Variants in HOOK2 observed in about 807,000 individuals in gnomAD.
HOOK2 encodes protein Hook homolog 2.
Under a neutral mutation model 111.9 loss-of-function variants are expected in HOOK2, and 108 were observed. That is an observed-to-expected ratio of 0.96 (90% confidence interval 0.83 to 1.13). The LOEUF (loss-of-function observed/expected upper bound fraction) is 1.13, where lower values mean the gene tolerates loss of function less well. Ranked by LOEUF, HOOK2 falls within the 50% of genes most tolerant of loss-of-function variation. The pLI is 0.00. For synonymous variants in HOOK2, 405 were observed against 394.3 expected (o/e 1.03, Z -0.32); for missense variants, 978 against 951.3 (o/e 1.03, Z -0.37).
intron 14 of HOOK2, 128 bp downstream of exon 14, chr19:12,767,267 G>T: frequency 4.1e-6 from 3 of 727,564 alleles, no homozygotes; most frequent in South Asian, 1.6e-5. Context: ...GGGCCTAGGA[G>T]CCCGGCTGGC....
At position 12,786,993 on chromosome 19, in the gene HOOK2, C is replaced by A. The variant is rs909074200; in HGVS notation, n.42-12768G>T. 4 of 152,184 alleles carry A rather than the reference C, an allele frequency of 2.6e-5. No individual in the cohort carries two copies. Among genetic ancestry groups the A allele is most frequent in the East Asian group, 1.9e-4 (1 of 5,174 alleles). The allele number at this position is 152,184 out of a possible 1,614,324, so 9.4% of individuals were successfully genotyped here. ...GACCAGCCTAGGCAACAGAATGAGA[C>A]CCTGTCTCAATAAAATATAAAAAAA... is the stretch of plus-strand genomic sequence containing the variant. On this transcript the variant is annotated intron_variant and non_coding_transcript_variant, in intron 3 of 3. Transcript: ENST00000589765. The surrounding 1 kb of genome is among the most constrained non-coding windows in gnomAD (Gnocchi z 4.3).
intron 11 of HOOK2, 33 bp from the exon 12 acceptor site, chr19:12,768,156 A>C (rs200334436): frequency 6.3e-7 from 1 of 1,580,194 alleles, no homozygotes. Flanking sequence ...TAAGGACAGC[A>C]GGGCTGGGAG....
chr19:12,765,728 G>T lies in HOOK2; in HGVS notation c.1606-4C>A. 1 of 1,614,160 alleles carries T rather than the reference G, an allele frequency of 6.2e-7. No homozygotes were observed. The highest frequency in any genetic ancestry group is 8.5e-7 in the Non-Finnish European group (1 of 1,180,024). ...GCTTCCTTTTCAGCAAAATGGACTGGGAGAGAGAAGAGGCAAGGTGAGTGG... is the reference window on the plus strand; with the variant it reads ...GCTTCCTTTTCAGCAAAATGGACTGTGAGAGAGAAGAGGCAAGGTGAGTGG... On this transcript the variant is annotated splice_region_variant and splice_polypyrimidine_tract_variant and intron_variant, in intron 17 of 22. Transcript: ENST00000397668.
At chr19:12,778,809 A>G (rs1454899561), upstream of HOOK2, among the ~76,000 whole-genome samples, 1 of 152,138 alleles carries the variant, frequency 6.6e-6, no homozygotes, top group Non-Finnish European at 1.5e-5. Flanking sequence ...GACTTAAGGA[A>G]AATCTGGGTG....
chr19:12,791,821 C>A lies in HOOK2; in HGVS notation n.42-17596G>T, dbSNP rs1232120106. 6.2e-7 allele frequency: 1 copy of A among 1,613,542 alleles called. No homozygotes were observed. The highest frequency in any genetic ancestry group is 1.7e-5 in the Admixed American group (1 of 59,946). On this transcript the variant is annotated intron_variant and non_coding_transcript_variant, in intron 3 of 3. Coordinates refer to the HOOK2 transcript ENST00000589765. The surrounding 1 kb of genome is among the most constrained non-coding windows in gnomAD (Gnocchi z 7.0). ...TTCTACCACGACGACTCATACACAG[C>A]TACGGGATACGGCCGGGCCCCTGGT...
chr19:12,770,567 C>T (rs991745157), intron 10 of HOOK2, among the ~76,000 whole-genome samples: 4 of 151,790 alleles, frequency 2.6e-5, no homozygotes, highest in East Asian at 1.9e-4. Flanking sequence ...ATTGTGGAGT[C>T]CTAGAAGGTA....
chr19:12,767,412 G>T lies in HOOK2; in HGVS notation c.1356C>A (p.Ile452=). 1 of 1,613,948 alleles carries T rather than the reference G, an allele frequency of 6.2e-7. No individual in the cohort carries two copies. Among genetic ancestry groups the T allele is most frequent in the Non-Finnish European group, 8.5e-7 (1 of 1,179,844 alleles). Residue 452 remains isoleucine, a synonymous_variant, in exon 14 of 23, where the codon ATC becomes ATA. Coordinates refer to ENST00000397668, the MANE Select transcript of HOOK2 (RefSeq NM_013312.3). ...CAGGATACCTGAGCTCCGCAGGCAG[G>T]ATCTCTGCGGCTAAGTTATCCACGG... ...STPVDNLAAE[I]LPAELRETLL... is the part of the protein sequence containing the mutation.
At position 12,791,628 on chromosome 19, in the gene HOOK2, T is replaced by C. The variant is rs1968716251; in HGVS notation, n.42-17403A>G. 1.8e-6 allele frequency: 1 copy of C among 571,088 alleles called. No homozygotes were observed. The highest frequency in any genetic ancestry group is 2.9e-6 in the Non-Finnish European group (1 of 339,924). The allele number at this position is 571,088 out of a possible 1,614,324, so 35.4% of individuals were successfully genotyped here. ...AGGGCTTTTGCGCACAGCTGCCGGCTGGCTGCTACCCGCCCGCGCCAGCCC... is the reference window on the plus strand; with the variant it reads ...AGGGCTTTTGCGCACAGCTGCCGGCCGGCTGCTACCCGCCCGCGCCAGCCC... On this transcript the variant is annotated intron_variant and non_coding_transcript_variant, in intron 3 of 3. Coordinates refer to the HOOK2 transcript ENST00000589765. The surrounding 1 kb of genome is among the most constrained non-coding windows in gnomAD (Gnocchi z 7.0).
At chr19:12,780,508 C>A (rs1290695041), upstream of HOOK2, among the ~76,000 whole-genome samples, 2 of 151,302 alleles carry the variant, frequency 1.3e-5, no homozygotes, top group Admixed American at 6.6e-5. Flanking sequence ...AGGCGCCCGC[C>A]ACCAGGTGTG....
At chr19:12,785,637 T>C (rs1383380075) in intron 3 of HOOK2, among the ~76,000 whole-genome samples, 1 of 152,178 alleles carries the variant, frequency 6.6e-6, no homozygotes, top group Admixed American at 6.5e-5. Context: ...GACCTTTGCA[T>C]CCAGGGCTGG....
chr19:12,766,024 T>A lies in HOOK2; in HGVS notation c.1512-10A>T, dbSNP rs749287107. 2.5e-6 allele frequency: 4 copies of A among 1,612,390 alleles called. No homozygotes were observed. In the South Asian group the frequency reaches 4.4e-5, roughly 18 times the overall value. On this transcript the variant is annotated splice_polypyrimidine_tract_variant and intron_variant, in intron 15 of 22. Coordinates refer to ENST00000397668, the MANE Select transcript of HOOK2 (RefSeq NM_013312.3). ...CTGCTGCTGGTTCAGCCTGCGAGGGTGGGGGGCCGCTTAGTGCCTGTGCCC... is the reference window on the plus strand; with the variant it reads ...CTGCTGCTGGTTCAGCCTGCGAGGGAGGGGGGCCGCTTAGTGCCTGTGCCC...
At chr19:12,779,365 T>G (rs1449761668), upstream of HOOK2, among the ~76,000 whole-genome samples, 1 of 152,130 alleles carries the variant, frequency 6.6e-6, no homozygotes, top group Non-Finnish European at 1.5e-5. Flanking sequence ...GCCACTCCCC[T>G]GGCTGACCAC....
intron 7 of HOOK2, chr19:12,771,917 A>G (rs2050024633): frequency 2.2e-6 from 1 of 456,070 alleles, no homozygotes; most frequent in Non-Finnish European, 3.9e-6. Flanking sequence ...AAAAGAAAAG[A>G]AAACAGGGCT....
At chr19:12,781,538 G>A (rs1239561484), upstream of HOOK2, among the ~76,000 whole-genome samples, 2 of 151,834 alleles carry the variant, frequency 1.3e-5, no homozygotes, top group Non-Finnish European at 2.9e-5. Context: ...GTGTTAGCCA[G>A]GATGGTCTCG....
At chr19:12,783,464 AT>A (rs998484016) in intron 3 of HOOK2, among the ~76,000 whole-genome samples, 4 of 148,716 alleles carry the variant, frequency 2.7e-5, no homozygotes, top group South Asian at 4.2e-4. Flanking sequence ...TATTCATTTC[AT>A]CCAGGGGCCC....
At chr19:12,789,706 G>C (rs1414214768) in intron 3 of HOOK2, among the ~76,000 whole-genome samples, 9 of 151,244 alleles carry the variant, frequency 6.0e-5, no homozygotes. Flanking sequence ...CCAGGCCCGC[G>C]GGCAGGCGGG....
chr19:12,787,913 G>A (rs947660248), intron 3 of HOOK2, among the ~76,000 whole-genome samples: 31 of 152,040 alleles, frequency 2.0e-4, no homozygotes, highest in Admixed American at 1.5e-3. Flanking sequence ...AAATTAGCTG[G>A]GCATGGTGGC....
At chr19:12,792,017 C>T (rs558783117) in intron 3 of HOOK2, 1 of 1,611,680 alleles carries the variant, frequency 6.2e-7, no homozygotes, top group East Asian at 2.2e-5. Context: ...CTCTCAAGCT[C>T]GCCTCTTCGG....
At chr19:12,777,179 A>AAATAAAATAC (rs1220527813), upstream of HOOK2, among the ~76,000 whole-genome samples, 1 of 150,716 alleles carries the variant, frequency 6.6e-6, no homozygotes, top group African/African-American at 2.4e-5. Flanking sequence ...AAATAAAATA[A>AAATAAAATAC]AATAAAATAA....
Sources: gnomAD v4.1 joint callset for allele counts (sites outside exome capture counted in the v4.1 genomes callset) on GRCh38, gnomAD v4.1.1 for gene constraint, Gnocchi (gnomAD v3.1) non-coding constraint, MANE v1.5 for transcripts, NCBI Gene and HGNC (gene_info 2026-07-23, HGNC 2026-07-21) for gene names.